KDM5A: variants seen among roughly 807,000 people sequenced by gnomAD.
The protein encoded by KDM5A is lysine demethylase 5A.
KDM5A carries 42 observed loss-of-function variants against 193.5 expected under a neutral mutation model. That is an observed-to-expected ratio of 0.22 (90% CI 0.17 to 0.28). The LOEUF is 0.28. KDM5A is among the 10% of genes least tolerant of loss of function. KDM5A has a pLI of 1.00. For missense variants in KDM5A, 1,692 were observed against 2,055.1 expected (o/e 0.82, Z 3.42); for synonymous variants, 796 against 718.1 (o/e 1.11, Z -1.73).
intron 1 of KDM5A, chr12:387,238 A>T (rs561813929): frequency 1.7e-3 from 626 of 369,042 alleles, no homozygotes; most frequent in Non-Finnish European, 2.8e-3. Flanking sequence ...AAAAAAAAAA[A>T]AAGTCTTACC....
intron 10 of KDM5A, among the ~76,000 whole-genome samples, chr12:339,123 A>G (rs1440309558): frequency 6.6e-6 from 1 of 150,908 alleles, no homozygotes; most frequent in African/African-American, 2.4e-5. Context: ...GGTTGTGGTG[A>G]GCCGAGATCA....
Position 285,262 on chromosome 12 carries a change from T to A in KDM5A, c.*194A>T. The A allele has an allele frequency of 1.6e-6, 1 of 607,796 alleles. No individual in the cohort carries two copies. Among genetic ancestry groups the A allele is most frequent in the Non-Finnish European group, 2.9e-6 (1 of 340,784 alleles). The allele number at this position is 607,796 out of a possible 1,614,324, so 37.7% of individuals were successfully genotyped here. Reference sequence around the variant, plus strand: ...GGCTGTTGTACCAAAGAAGACACCCTCTGCATAGATATGTTGATAGAGAAT... The same window carrying A: ...GGCTGTTGTACCAAAGAAGACACCCACTGCATAGATATGTTGATAGAGAAT... On this transcript the variant is annotated 3_prime_UTR_variant, in exon 28 of 28. Coordinates refer to ENST00000399788, the MANE Select transcript of KDM5A (RefSeq NM_001042603.3).
In KDM5A at chr12:354,721, C is replaced by T. The variant is rs577348130; in HGVS notation, c.870+437G>A. 1.2e-3 allele frequency among the ~76,000 whole-genome samples: 177 copies of T among 151,896 alleles called. 1 individual carries two copies. The highest frequency in any genetic ancestry group is 3.6e-3 in the African/African-American group (149 of 41,444). On this transcript the variant is annotated intron_variant, in intron 7 of 27. Coordinates refer to ENST00000399788, the MANE Select transcript of KDM5A (RefSeq NM_001042603.3). The stretch of plus-strand genomic sequence containing the variant: ...GGTGGAGCTTGCAGTGAGCCGAGAT[C>T]GCACCACTGCACTCCAGCCTGGGCA...
At chr12:286,150 G>A (rs946925134) in intron 27 of KDM5A, 4 of 505,532 alleles carry the variant, frequency 7.9e-6, no homozygotes, top group African/African-American at 5.8e-5. Flanking sequence ...AGTCACATAG[G>A]CCACTTTTAA....
chr12:367,906 A>G (rs1227143078), intron 3 of KDM5A, among the ~76,000 whole-genome samples: 4 of 152,074 alleles, frequency 2.6e-5, no homozygotes, highest in Non-Finnish European at 4.4e-5. Context: ...TAAAATTACC[A>G]TATGATGCTG....
intron 24 of KDM5A, among the ~76,000 whole-genome samples, chr12:302,093 C>T (rs1943448841): frequency 6.6e-6 from 1 of 152,194 alleles, no homozygotes; most frequent in Non-Finnish European, 1.5e-5. Context: ...AATGGCCATA[C>T]TGCCCAAAGT....
At chr12:292,039 A>C (rs1943301453) in intron 27 of KDM5A, among the ~76,000 whole-genome samples, 1 of 151,810 alleles carries the variant, frequency 6.6e-6, no homozygotes, top group Non-Finnish European at 1.5e-5. Context: ...AGTAGCTGAG[A>C]TTACAGGTGT....
chr12:349,298 G>A (rs1944119258), intron 10 of KDM5A, among the ~76,000 whole-genome samples: 1 of 149,616 alleles, frequency 6.7e-6, no homozygotes, highest in Non-Finnish European at 1.5e-5. Context: ...GGGATTACAG[G>A]TGTGAGCCCC....
At chr12:340,694 CAAAAAAAAAA>C (rs375465074) in intron 10 of KDM5A, among the ~76,000 whole-genome samples, 2 of 51,126 alleles carry the variant, frequency 3.9e-5, no homozygotes, top group Admixed American at 5.7e-4. Flanking sequence ...GACTCCATCA[CAAAAAAAAAA>C]AAAAAAAAAA....
chr12:319,972 C>T (rs573906115), intron 18 of KDM5A, among the ~76,000 whole-genome samples: 2 of 152,078 alleles, frequency 1.3e-5, no homozygotes, highest in South Asian at 4.2e-4. Context: ...GCCGAGACTC[C>T]TAATATACTC....
intron 3 of KDM5A, among the ~76,000 whole-genome samples, chr12:373,633 G>A (rs1306011886): frequency 6.6e-6 from 1 of 152,130 alleles, no homozygotes; most frequent in Non-Finnish European, 1.5e-5. Flanking sequence ...TTTTGAATGT[G>A]TTTGTACTTC....
chr12:338,045 A>T (rs1943955980), intron 10 of KDM5A, among the ~76,000 whole-genome samples: 1 of 152,238 alleles, frequency 6.6e-6, no homozygotes, highest in Admixed American at 6.5e-5. Flanking sequence ...ATGTTAAGTG[A>T]AAGCAATATA....
chr12:363,163 T>A, intron 4 of KDM5A, 66 bp from the exon 5 acceptor site: 1 of 1,581,440 alleles, frequency 6.3e-7, no homozygotes, highest in Non-Finnish European at 8.7e-7. Context: ...AGAATCAGTG[T>A]AAAAGTAATA....
rs1943751789 is a variant in KDM5A, at chr12:323,873, C to T, written c.1969-92G>A. ...ACTACATTTTTTTCTATAGACAAAT[C>T]TCTGACTTAAAGGTATAAACATGAA... On this transcript the variant is annotated intron_variant, in intron 14 of 27. Transcript: ENST00000399788. 3 of 986,306 alleles carry T rather than the reference C, an allele frequency of 3.0e-6. No homozygotes were observed. The Admixed American group carries it at 5.2e-5, about 17-fold the overall frequency. The allele number at this position is 986,306 out of a possible 1,614,324, so 61.1% of individuals were successfully genotyped here.
intron 5 of KDM5A, among the ~76,000 whole-genome samples, chr12:362,225 T>TA (rs139149553): frequency 0.017 from 2,643 of 151,452 alleles, 106 homozygotes; most frequent in South Asian, 0.16. Context: ...TTGTCTTTAC[T>TA]AAAAAACTTA....
chr12:337,991 G>C (rs1358900763), intron 10 of KDM5A, among the ~76,000 whole-genome samples: 2 of 152,078 alleles, frequency 1.3e-5, no homozygotes, highest in Non-Finnish European at 2.9e-5. Context: ...AACAAAAGTA[G>C]ACAAAATTGC....
At chr12:333,403 A>G in intron 12 of KDM5A, 84 bp downstream of exon 12, 2 of 1,465,388 alleles carry the variant, frequency 1.4e-6, no homozygotes, top group South Asian at 2.3e-5. Flanking sequence ...TGGGCAACAG[A>G]GCAAGACCCT....
At chr12:286,491 A>G (rs575269578) in intron 27 of KDM5A, among the ~76,000 whole-genome samples, 44 of 152,342 alleles carry the variant, frequency 2.9e-4, no homozygotes, top group African/African-American at 1.1e-3. Context: ...TTTTACAGCT[A>G]ATGTCATGGC....
In KDM5A at chr12:323,837, AAACTT is replaced by A. The variant is rs1210149807; in HGVS notation, c.1969-61_1969-57del. Reference sequence around the variant, plus strand: ...TCTTTCTAGTCTTTAAAGCATCAAAAAACTTAAGTTACTACATTTTTTTCTATAGA... The same window carrying A: ...TCTTTCTAGTCTTTAAAGCATCAAAAAAGTTACTACATTTTTTTCTATAGA... On this transcript the variant is annotated intron_variant, in intron 14 of 27. Coordinates refer to ENST00000399788, the MANE Select transcript of KDM5A (RefSeq NM_001042603.3). The A allele has an allele frequency of 8.3e-6, 12 of 1,446,630 alleles. 1 individual carries two copies. Among genetic ancestry groups the A allele is most frequent in the Middle Eastern group, 3.5e-4 (2 of 5,756 alleles). 89.6% of individuals were successfully genotyped at this position (1,446,630 alleles called of 1,614,324 possible).
Sources: allele counts gnomAD v4.1 joint callset (sites outside exome capture counted in the v4.1 genomes callset), GRCh38; gene constraint gnomAD v4.1.1; transcripts MANE v1.5; gene names NCBI Gene and HGNC (gene_info 2026-07-23, HGNC 2026-07-21).